TFAP2A: variants seen among roughly 807,000 people sequenced by gnomAD.
TFAP2A encodes transcription factor AP-2-alpha.
TFAP2A carries 7 observed loss-of-function variants against 41.5 expected under a neutral mutation model. That is an observed-to-expected ratio of 0.17 (90% CI 0.10 to 0.32). TFAP2A has a LOEUF of 0.32. Among genes scored for constraint, TFAP2A ranks in the 10% least tolerant of loss-of-function variants. The pLI is 1.00. For missense variants in TFAP2A, 416 were observed against 563.3 expected, an observed-to-expected ratio of 0.74 and a Z score of 2.65; for synonymous variants, 247 against 242.8, an observed-to-expected ratio of 1.02 and a Z score of -0.16.
At chr6:10,419,199 C>T (rs970124851), upstream of TFAP2A, among the ~76,000 whole-genome samples, 3 of 152,204 alleles carry the variant, frequency 2.0e-5, no homozygotes, top group African/African-American at 7.2e-5. Flanking sequence ...CCGGGCCCCG[C>T]GGGCTGCGCG....
intron 5 of TFAP2A, chr6:10,400,892 C>T (rs528630769): frequency 1.0e-4 from 57 of 565,608 alleles, no homozygotes; most frequent in Non-Finnish European, 1.8e-4. Flanking sequence ...TTTTAAAATG[C>T]TTCTTGTATT....
upstream of TFAP2A, chr6:10,415,148 C>T (rs530986425): frequency 7.3e-6 from 11 of 1,510,676 alleles, no homozygotes; most frequent in Admixed American, 1.4e-4. Flanking sequence ...AGGAGGAGGG[C>T]AAGGAGGAGG....
At position 10,398,521 on chromosome 6, in the gene TFAP2A, C is replaced by T. The variant is rs1274286799; in HGVS notation, c.1216G>A (p.Glu406Lys). 6.2e-7 allele frequency: 1 copy of T among 1,614,172 alleles called. No homozygotes were observed. The highest frequency in any genetic ancestry group is 1.1e-5 in the South Asian group (1 of 91,078). Residue 406 changes from glutamate to lysine, a missense_variant, in exon 7 of 7, where the codon GAG (glutamate) becomes AAG (lysine). Coordinates refer to ENST00000379613, the MANE Select transcript of TFAP2A (RefSeq NM_001372066.1). The surrounding 1 kb of genome is among the most constrained non-coding windows in gnomAD (Gnocchi z 5.3). ...ATTTTGTCCATGGCCTTGAGGGCCT[C>T]GGTGAGATAGTTCTGCAGGGCCGTG... ...AVTALQNYLTEALKAMDKMYL... is the reference protein window; with the variant it reads ...AVTALQNYLTKALKAMDKMYL...
rs765549775 is a variant in TFAP2A, at chr6:10,406,831, G to T, written c.500C>A (p.Pro167Gln). The T allele has an allele frequency of 3.1e-6, 5 of 1,613,326 alleles. No homozygotes were observed. The highest frequency in any genetic ancestry group is 1.3e-5 in the African/African-American group (1 of 75,018). Reference protein sequence around the residue: ...AIEEVPHVEDPGINIPDQTVI... With the variant: ...AIEEVPHVEDQGINIPDQTVI... The stretch of plus-strand genomic sequence containing the variant: ...AGTTTGATCTGGGATGTTAATACCC[G>T]GGTCTTCTACATGCTGCAACAAAAG... The change falls in exon 3 of 7, where the codon CCG becomes CAG. Residue 167 changes from proline to glutamine, a missense_variant. Physicochemically the swap from Pro to Gln is moderately conservative, Grantham distance 76 (BLOSUM62 -1). Around this residue, in one of 3 missense-constraint regions of TFAP2A, gnomAD observed 241 missense variants for 274.1 expected, o/e 0.88. Coordinates refer to ENST00000379613, the MANE Select transcript of TFAP2A (RefSeq NM_001372066.1).
intron 1 of TFAP2A, chr6:10,411,425 G>A: frequency 7.3e-7 from 1 of 1,366,734 alleles, no homozygotes; most frequent in Middle Eastern, 2.2e-4. Context: ...GAGAAAGGCG[G>A]AAGGTGGGGT....
chr6:10,411,476 G>A, intron 1 of TFAP2A: 2 of 1,609,996 alleles, frequency 1.2e-6, no homozygotes, highest in Non-Finnish European at 1.7e-6. Flanking sequence ...GGAAAGCTGG[G>A]CGTGAAACCC....
At chr6:10,407,511 T>G (rs1757777226) in intron 2 of TFAP2A, 1 of 151,108 alleles carries the variant, frequency 6.6e-6, no homozygotes, top group African/African-American at 2.4e-5. Context: ...TTTTTTTTTT[T>G]TTTTTTTACA....
intron 1 of TFAP2A, among the ~76,000 whole-genome samples, 176 bp from the exon 2 acceptor site, chr6:10,410,511 C>G (rs1757915677): frequency 1.3e-5 from 2 of 152,054 alleles, no homozygotes; most frequent in Middle Eastern, 3.4e-3. Flanking sequence ...TGAAACAGAC[C>G]GAACAACGCA....
rs1290180108 is a variant in TFAP2A, at chr6:10,404,540, G to T, written c.738C>A (p.Leu246=). Residue 246 remains leucine (L), a synonymous_variant, in exon 4 of 7, where the codon CTC becomes CTA. Transcript: ENST00000379613. ...VQRRLSPPEC[L]NASLLGGVLR... is the part of the protein sequence containing the mutation. ...GCACTCCGCCCAGCAGCGACGCGTT[G>T]AGACACTCGGGTGGTGAGAGCCGCC... 5.0e-6 allele frequency: 8 copies of T among 1,613,106 alleles called. No individual in the cohort carries two copies. In the Admixed American group the frequency reaches 8.3e-5, roughly 17 times the overall value.
chr6:10,397,765 T>C lies in TFAP2A; in HGVS notation c.*652A>G, dbSNP rs1761830322. The C allele has an allele frequency of 1.5e-6, 1 of 686,486 alleles. No homozygotes were observed. Among genetic ancestry groups the C allele is most frequent in the Non-Finnish European group, 1.8e-6 (1 of 557,062 alleles). The allele number at this position is 686,486 out of a possible 1,614,324, so 42.5% of individuals were successfully genotyped here. A position where few individuals can be genotyped will look rare whatever the true frequency, so the allele number is the denominator to read the frequency against. Reference sequence around the variant, plus strand: ...GTGAACACTGATTCCCTTATATAACTGCGAATCGTGTTGCCAGAGAAAGTT... The same window carrying C: ...GTGAACACTGATTCCCTTATATAACCGCGAATCGTGTTGCCAGAGAAAGTT... On this transcript the variant is annotated 3_prime_UTR_variant, in exon 7 of 7. Coordinates refer to ENST00000379613, the MANE Select transcript of TFAP2A (RefSeq NM_001372066.1).
chr6:10,401,546 A>G (rs569278619), intron 5 of TFAP2A, among the ~76,000 whole-genome samples: 4 of 152,392 alleles, frequency 2.6e-5, no homozygotes, highest in Admixed American at 6.5e-5. Flanking sequence ...AAAATAATTT[A>G]CAAAGCCAGA....
chr6:10,404,105 A>C (rs1757553512), intron 4 of TFAP2A, among the ~76,000 whole-genome samples: 1 of 152,204 alleles, frequency 6.6e-6, no homozygotes. Flanking sequence ...CCTGAGAGGA[A>C]CTTTTCCTGG....
chr6:10,416,698 T>C (rs1055941364), upstream of TFAP2A, among the ~76,000 whole-genome samples: 1 of 152,130 alleles, frequency 6.6e-6, no homozygotes, highest in Non-Finnish European at 1.5e-5. Flanking sequence ...CTGTGGCAGA[T>C]TGGAGCATTC....
At chr6:10,402,246 T>C in intron 5 of TFAP2A, 1 of 588,302 alleles carries the variant, frequency 1.7e-6, no homozygotes, top group South Asian at 1.5e-5. Flanking sequence ...GTGCGTTGTT[T>C]AGCTCAGAAT....
Position 10,413,874 on chromosome 6 carries a change from A to G in TFAP2A, c.51+1067T>C, listed in dbSNP as rs916707206. Among the ~76,000 whole-genome samples, 120 of 151,992 alleles carry G rather than the reference A, an allele frequency of 7.9e-4. 1 individual carries two copies. Among genetic ancestry groups the G allele is most frequent in the African/African-American group, 2.8e-3 (117 of 41,408 alleles). On this transcript the variant is annotated intron_variant, in intron 1 of 6. Coordinates refer to ENST00000379613, the MANE Select transcript of TFAP2A (RefSeq NM_001372066.1). The stretch of plus-strand genomic sequence containing the variant: ...CTGCAAATGCCAAAAAAGAAAAAAA[A>G]AAAAAACAGCAAAAGTTGGGACTGC...
At chr6:10,410,357 G>A (rs1331705354) in intron 1 of TFAP2A, 22 bp from the exon 2 acceptor site, 1 of 1,596,556 alleles carries the variant, frequency 6.3e-7, no homozygotes. Context: ...CGAGAGGAAA[G>A]GTAAAGAACA....
intron 1 of TFAP2A, chr6:10,411,610 G>A: frequency 6.2e-7 from 1 of 1,614,010 alleles, no homozygotes; most frequent in South Asian, 1.1e-5. Flanking sequence ...CGAAGAGTCT[G>A]GGGTAACGAG....
intron 1 of TFAP2A, chr6:10,412,237 G>A (rs866536241): frequency 1.6e-5 from 16 of 987,668 alleles, no homozygotes; most frequent in South Asian, 4.7e-5. Context: ...GCGGGGGGCC[G>A]CGGCGCGGCG....
At chr6:10,404,902 C>G in intron 3 of TFAP2A, 163 bp from the exon 4 acceptor site, 1 of 676,970 alleles carries the variant, frequency 1.5e-6, no homozygotes, top group East Asian at 2.7e-5. Context: ...TACTTCCCTT[C>G]CTCGGGCTCG....
Sources: gnomAD v4.1 joint callset for allele counts (sites outside exome capture counted in the v4.1 genomes callset) on GRCh38, gnomAD v4.1.1 for gene constraint, gnomAD v4.1.1 regional missense constraint, Gnocchi (gnomAD v3.1) non-coding constraint, MANE v1.5 for transcripts, NCBI Gene and HGNC (gene_info 2026-07-23, HGNC 2026-07-21) for gene names.